Variants in HIPK1 observed in about 807,000 individuals in gnomAD.
HIPK1 encodes the protein homeodomain-interacting protein kinase 1.
Under a neutral mutation model 117.1 loss-of-function variants are expected in HIPK1, and 28 were observed. The ratio of observed to expected loss-of-function variants is 0.24; its 90% CI spans 0.18 to 0.33. The LOEUF (loss-of-function observed/expected upper bound fraction) is 0.33, where lower values mean the gene tolerates loss of function less well. Among genes scored for constraint, HIPK1 ranks in the 10% least tolerant of loss-of-function variants. The pLI, the probability that HIPK1 is intolerant of heterozygous loss-of-function variation, is 1.00. For missense variants in HIPK1, 1,122 were observed against 1,475.1 expected (o/e 0.76, Z 3.92); for synonymous variants, 605 against 562.5 (o/e 1.08, Z -1.07).
Position 113,958,153 on chromosome 1 carries a change from G to A in HIPK1, c.1843G>A (p.Ala615Thr). 1 of 1,614,122 alleles carries A rather than the reference G, an allele frequency of 6.2e-7. No individual in the cohort carries two copies. Among genetic ancestry groups the A allele is most frequent in the Non-Finnish European group, 8.5e-7 (1 of 1,180,008 alleles). The change falls in exon 8 of 16, where the codon GCT becomes ACT. Residue 615 changes from alanine (A) to threonine (T), a missense_variant. By Grantham distance (58) the Ala-to-Thr change is moderately conservative. This residue lies in a region of HIPK1 where 731 missense variants were observed against 860.4 expected (regional missense o/e 0.85). Coordinates refer to ENST00000426820, the MANE Select transcript of HIPK1 (RefSeq NM_198268.3). Reference sequence around the variant, plus strand: ...TGTCTCACTACTAAACTACCAGTCAGCTTTGTACCCATCATCTGCTGCACC... The same window carrying A: ...TGTCTCACTACTAAACTACCAGTCAACTTTGTACCCATCATCTGCTGCACC... ...SDVSLLNYQS[A>T]LYPSSAAPVP...
intron 1 of HIPK1, among the ~76,000 whole-genome samples, chr1:113,935,029 T>C (rs1199064040): frequency 2.0e-5 from 3 of 150,250 alleles, no homozygotes; most frequent in African/African-American, 7.3e-5. Context: ...TTTTTTTTTT[T>C]TAAACCTTTA....
chr1:113,958,458 C>T (rs1157153798), intron 8 of HIPK1, among the ~76,000 whole-genome samples, 167 bp downstream of exon 8: 1 of 152,160 alleles, frequency 6.6e-6, no homozygotes, highest in East Asian at 1.9e-4. Context: ...TTTACATAGG[C>T]TATTTATCTA....
In HIPK1 at chr1:113,929,394, G is replaced by C. The variant is rs769641873; in HGVS notation, c.-141G>C. 2.9e-5 allele frequency: 37 copies of C among 1,289,334 alleles called. No homozygotes were observed. The highest frequency in any genetic ancestry group is 7.6e-5 in the African/African-American group (5 of 65,858). The allele number at this position is 1,289,334 out of a possible 1,614,324, so 79.9% of individuals were successfully genotyped here. A position where few individuals can be genotyped will look rare whatever the true frequency, so the allele number is the denominator to read the frequency against. Reference sequence around the variant, plus strand: ...TCACCGCAGAGTCTGCAGTGCGGAGGGGGCGGGAAGTCCAGGCCCCGCACT... The same window carrying C: ...TCACCGCAGAGTCTGCAGTGCGGAGCGGGCGGGAAGTCCAGGCCCCGCACT... On this transcript the variant is annotated 5_prime_UTR_variant, in exon 1 of 16. Coordinates refer to ENST00000426820, the MANE Select transcript of HIPK1 (RefSeq NM_198268.3).
chr1:113,963,957 C>T (rs1672292199), intron 10 of HIPK1, among the ~76,000 whole-genome samples: 1 of 152,142 alleles, frequency 6.6e-6, no homozygotes, highest in South Asian at 2.1e-4. Context: ...AAATTGAGCT[C>T]GTTGGCAAGA....
In HIPK1 at chr1:113,941,591, T is replaced by C; in HGVS notation, c.1076+132T>C. On this transcript the variant is annotated intron_variant, in intron 2 of 15. Transcript: ENST00000426820. This position sits in a 1 kb window ranked among gnomAD's most constrained non-coding sequence, Gnocchi z 4.9. ...AGATAGAAATAGGATATGTTTTAGCTCATTCTATGTGTGTGGCATTCCTAT... is the reference window on the plus strand; with the variant it reads ...AGATAGAAATAGGATATGTTTTAGCCCATTCTATGTGTGTGGCATTCCTAT... 1.4e-6 allele frequency: 1 copy of C among 708,176 alleles called. No individual in the cohort carries two copies. The highest frequency in any genetic ancestry group is 1.8e-5 in the South Asian group (1 of 54,242). The allele number at this position is 708,176 out of a possible 1,614,324, so 43.9% of individuals were successfully genotyped here. A position where few individuals can be genotyped will look rare whatever the true frequency, so the allele number is the denominator to read the frequency against.
At chr1:113,969,833 GGAGGTTGAGGTCGCAGC>G in intron 13 of HIPK1, 106 bp from the exon 14 acceptor site, 2 of 1,027,792 alleles carry the variant, frequency 1.9e-6, no homozygotes, top group African/African-American at 3.1e-5. Context: ...CTTGAGCCCA[GGAGGTTGAGGTCGCAGC>G]GAGCTGTGAT....
chr1:113,939,898 G>A (rs7519860), intron 1 of HIPK1, among the ~76,000 whole-genome samples: 45,278 of 151,158 alleles, frequency 0.3, 6,994 homozygotes, highest in African/African-American at 0.39. Flanking sequence ...ATATTTTTCT[G>A]CTAACTTTCC....
At position 113,963,446 on chromosome 1, in the gene HIPK1, G is replaced by A. The variant is rs1330488714; in HGVS notation, c.2163G>A (p.Pro721=). 33 of 1,614,068 alleles carry A rather than the reference G, an allele frequency of 2.0e-5. No individual in the cohort carries two copies. The highest frequency in any genetic ancestry group is 2.6e-5 in the Non-Finnish European group (31 of 1,180,026). The stretch of plus-strand genomic sequence containing the variant: ...ACCCTCAAGTAGCCACCATCACACC[G>A]CAGTATGCGGTGCCCTTTACTCTGA... ...TLHPQVATIT[P]QYAVPFTLSC... is the part of the protein sequence containing the mutation. Residue 721 remains proline, a synonymous_variant, in exon 10 of 16, where the codon CCG becomes CCA. Coordinates refer to ENST00000426820, the MANE Select transcript of HIPK1 (RefSeq NM_198268.3).
Position 113,958,229 on chromosome 1 carries a change from A to G in HIPK1, c.1919A>G (p.Gln640Arg), listed in dbSNP as rs1306995317. ...GTTTCCTTGCAGCCTGGAACCACCC[A>G]GATTTGCACTCAGACAGATCCATTC... ...QGVSLQPGTT[Q>R]ICTQTDPFQQ... The change falls in exon 8 of 16, where the codon CAG (glutamine) becomes CGG (arginine). Residue 640 changes from glutamine (Q) to arginine (R), a missense_variant. By Grantham distance (43) the Gln-to-Arg change is conservative (BLOSUM62 1). Around this residue, in one of 6 missense-constraint regions of HIPK1, gnomAD observed 731 missense variants for 860.4 expected, o/e 0.85. Transcript: ENST00000426820. The G allele has an allele frequency of 6.2e-7, 1 of 1,614,212 alleles. No homozygotes were observed. The highest frequency in any genetic ancestry group is 1.7e-5 in the Admixed American group (1 of 60,030).
At position 113,955,510 on chromosome 1, in the gene HIPK1, AT is replaced by A. The variant is rs1164808212; in HGVS notation, c.1321-52del. The A allele has an allele frequency of 3.6e-6, 4 of 1,108,796 alleles. No individual in the cohort carries two copies. The African/African-American group carries it at 6.3e-5, about 17-fold the overall frequency. 68.7% of individuals were successfully genotyped at this position (1,108,796 alleles called of 1,614,324 possible). The stretch of plus-strand genomic sequence containing the variant: ...TATTCTGGCTTTGGTTTTGAATAAA[AT>A]GTGAAAATAACATACAGATGGAATT... On this transcript the variant is annotated intron_variant, in intron 4 of 15. Coordinates refer to ENST00000426820, the MANE Select transcript of HIPK1 (RefSeq NM_198268.3).
intron 15 of HIPK1, 200 bp downstream of exon 15, chr1:113,972,154 C>G (rs1212106655): frequency 6.9e-7 from 1 of 1,447,490 alleles, no homozygotes; most frequent in African/African-American, 1.5e-5. Context: ...GATGTACATT[C>G]TAGGTTTTCC....
intron 1 of HIPK1, chr1:113,930,881 T>A (rs898100203): frequency 6.6e-6 from 1 of 152,244 alleles, no homozygotes; most frequent in Non-Finnish European, 1.5e-5. Flanking sequence ...CTTTACTTAA[T>A]CACTGATTCT....
At chr1:113,965,856 A>G (rs1467977096) in intron 10 of HIPK1, among the ~76,000 whole-genome samples, 1 of 152,186 alleles carries the variant, frequency 6.6e-6, no homozygotes, top group Non-Finnish European at 1.5e-5. Flanking sequence ...TTTTCTCTAC[A>G]GTATAATAGA....
chr1:113,948,072 A>G (rs1671104658), intron 2 of HIPK1, among the ~76,000 whole-genome samples: 1 of 152,236 alleles, frequency 6.6e-6, no homozygotes, highest in Non-Finnish European at 1.5e-5. Context: ...TGTAATGAAA[A>G]TAATTCTAAT....
rs1005731242 is a variant in HIPK1 at position 113,966,872 on chromosome 1, A to G, written c.2381+600A>G. On this transcript the variant is annotated intron_variant, in intron 11 of 15. Transcript: ENST00000426820. Reference sequence around the variant, plus strand: ...TTTTTTGTACCCATTAACCATCCCTACCTCCCCACTAGCCCTCCACTACTC... The same window carrying G: ...TTTTTTGTACCCATTAACCATCCCTGCCTCCCCACTAGCCCTCCACTACTC... Among the ~76,000 whole-genome samples, 5 of 141,916 alleles carry G rather than the reference A, an allele frequency of 3.5e-5. 1 individual carries two copies. The South Asian group carries it at 1.1e-3, about 32-fold the overall frequency. 93.1% of individuals were successfully genotyped at this position (141,916 alleles called of 152,430 possible).
intron 2 of HIPK1, among the ~76,000 whole-genome samples, chr1:113,949,924 C>T (rs1286892716): frequency 5.3e-5 from 8 of 152,062 alleles, no homozygotes; most frequent in Admixed American, 5.2e-4. Flanking sequence ...TAAACAAAAC[C>T]ACAGTTCAAA....
chr1:113,952,461 G>A (rs1271939472), intron 2 of HIPK1, among the ~76,000 whole-genome samples: 1 of 152,088 alleles, frequency 6.6e-6, no homozygotes, highest in East Asian at 1.9e-4. Context: ...TAGTATGACT[G>A]TTCCATGTTT....
intron 15 of HIPK1, 102 bp downstream of exon 15, chr1:113,972,056 CCCTTTTGTGTCAAACAATTT>C: frequency 6.2e-7 from 1 of 1,612,440 alleles, no homozygotes; most frequent in Non-Finnish European, 8.5e-7. Flanking sequence ...CAAATGAAGC[CCCTTTTGTGTCAAACAATTT>C]TGTGTTCTAT....
intron 8 of HIPK1, among the ~76,000 whole-genome samples, chr1:113,958,757 T>C (rs1329081387): frequency 6.6e-6 from 1 of 152,238 alleles, no homozygotes; most frequent in Non-Finnish European, 1.5e-5. Context: ...TGTGGAAACA[T>C]CTTAAATTAC....
Sources: gnomAD v4.1 joint callset for allele counts (sites outside exome capture counted in the v4.1 genomes callset) on GRCh38, gnomAD v4.1.1 for gene constraint, gnomAD v4.1.1 regional missense constraint, Gnocchi (gnomAD v3.1) non-coding constraint, MANE v1.5 for transcripts, NCBI Gene and HGNC (gene_info 2026-07-23, HGNC 2026-07-21) for gene names.